The following ENTREP2 variants were observed in gnomAD, a reference collection of about 807,000 sequenced individuals.
ENTREP2 encodes protein ENTREP2.
At chr15:29,118,705 G>A in the ENTREP2 span, among the ~76,000 whole-genome samples, 1 of 152,180 alleles carries the variant, frequency 6.6e-6, no homozygotes, top group Non-Finnish European at 1.5e-5. Context: ...GCATGCGTGT[G>A]CGTGTGTAAA....
At chr15:29,631,862 C>T in the ENTREP2 span, among the ~76,000 whole-genome samples, 1 of 152,200 alleles carries the variant, frequency 6.6e-6, no homozygotes, top group East Asian at 1.9e-4. Flanking sequence ...TGGGAGTCCA[C>T]ACCCCCTCCC....
the ENTREP2 span, among the ~76,000 whole-genome samples, chr15:29,386,864 G>C: frequency 2.0e-5 from 3 of 152,252 alleles, no homozygotes; most frequent in African/African-American, 4.8e-5. Context: ...CTGAGACTTT[G>C]CTGAAGTTGC....
the ENTREP2 span, among the ~76,000 whole-genome samples, chr15:29,201,095 ATGTT>A: frequency 6.6e-6 from 1 of 152,182 alleles, no homozygotes; most frequent in African/African-American, 2.4e-5. Flanking sequence ...TGAATTTTGT[ATGTT>A]TATCTTGTAT....
the ENTREP2 span, among the ~76,000 whole-genome samples, chr15:29,625,481 C>T: frequency 1.7e-4 from 26 of 152,198 alleles, no homozygotes; most frequent in African/African-American, 5.8e-4. Flanking sequence ...CTGCAACCTC[C>T]GCCTCCCAGG....
At chr15:29,185,921 C>T in the ENTREP2 span, among the ~76,000 whole-genome samples, 1 of 152,176 alleles carries the variant, frequency 6.6e-6, no homozygotes, top group Non-Finnish European at 1.5e-5. Context: ...TTCTGATACT[C>T]ATTTAGAGCC....
the ENTREP2 span, among the ~76,000 whole-genome samples, chr15:29,281,305 TA>T: frequency 6.6e-6 from 1 of 152,214 alleles, no homozygotes; most frequent in Admixed American, 6.5e-5. Context: ...TCTAAATGTA[TA>T]AATAAATGAT....
At chr15:29,160,102 CA>C in the ENTREP2 span, among the ~76,000 whole-genome samples, 1 of 152,208 alleles carries the variant, frequency 6.6e-6, no homozygotes, top group Admixed American at 6.5e-5. Flanking sequence ...AGAAATTGAG[CA>C]CAGCAGCTGC....
At chr15:29,501,791 C>T in the ENTREP2 span, among the ~76,000 whole-genome samples, 1 of 151,900 alleles carries the variant, frequency 6.6e-6, no homozygotes. Flanking sequence ...AAATAATAAA[C>T]ACACATACAT....
At chr15:29,488,009 A>G in the ENTREP2 span, among the ~76,000 whole-genome samples, 2 of 152,196 alleles carry the variant, frequency 1.3e-5, no homozygotes, top group African/African-American at 4.8e-5. Flanking sequence ...GTTTTCAACA[A>G]TAACTTATGA....
At chr15:29,477,353 C>T in the ENTREP2 span, among the ~76,000 whole-genome samples, 6 of 152,018 alleles carry the variant, frequency 3.9e-5, no homozygotes, top group Non-Finnish European at 7.4e-5. Flanking sequence ...AAAAAACATA[C>T]TGAGCTATAC....
chr15:29,374,879 A>AT, the ENTREP2 span: 1 of 151,988 alleles, frequency 6.6e-6, no homozygotes, highest in South Asian at 2.1e-4. Flanking sequence ...CATCCAGTGA[A>AT]TTTTTTTCTC....
chr15:29,431,933 G>A, the ENTREP2 span, among the ~76,000 whole-genome samples: 23 of 152,202 alleles, frequency 1.5e-4, no homozygotes, highest in African/African-American at 5.3e-4. Flanking sequence ...TAATGGAAAC[G>A]CCGTGGCATT....
At chr15:29,338,022 C>T in the ENTREP2 span, among the ~76,000 whole-genome samples, 3 of 152,002 alleles carry the variant, frequency 2.0e-5, no homozygotes, top group Non-Finnish European at 4.4e-5. Context: ...GATTCCTTTG[C>T]AAAAAGGAAT....
At chr15:29,292,492 T>C in the ENTREP2 span, among the ~76,000 whole-genome samples, 1 of 152,076 alleles carries the variant, frequency 6.6e-6, no homozygotes. Flanking sequence ...GCAATTCTCC[T>C]GCCTCAGCCT....
the ENTREP2 span, among the ~76,000 whole-genome samples, chr15:29,356,450 C>T: frequency 6.6e-6 from 1 of 150,390 alleles, no homozygotes; most frequent in Admixed American, 6.6e-5. Flanking sequence ...GGACCACAGG[C>T]GACCACTACC....
the ENTREP2 span, among the ~76,000 whole-genome samples, chr15:29,291,649 C>A: frequency 6.6e-6 from 1 of 152,188 alleles, no homozygotes; most frequent in Non-Finnish European, 1.5e-5. Context: ...ATACACTTCT[C>A]GTGCTTCCAA....
At chr15:29,197,886 G>T in the ENTREP2 span, among the ~76,000 whole-genome samples, 2 of 152,096 alleles carry the variant, frequency 1.3e-5, no homozygotes, top group Non-Finnish European at 2.9e-5. Flanking sequence ...TATGTTTACA[G>T]CAGCCAACTC....
At chr15:29,380,914 C>T in the ENTREP2 span, among the ~76,000 whole-genome samples, 17 of 147,814 alleles carry the variant, frequency 1.2e-4, 1 homozygote, top group African/African-American at 4.0e-4. Flanking sequence ...TGGTGTGGCG[C>T]GATCTCGGCT....
chr15:29,220,779 C>A, the ENTREP2 span, among the ~76,000 whole-genome samples: 1 of 151,246 alleles, frequency 6.6e-6, no homozygotes, highest in Non-Finnish European at 1.5e-5. Context: ...ATAAATTATA[C>A]AATTAAGTCT....
Sources: allele counts gnomAD v4.1 joint callset (sites outside exome capture counted in the v4.1 genomes callset), GRCh38; gene constraint gnomAD v4.1.1; transcripts MANE v1.5; gene names NCBI Gene and HGNC (gene_info 2026-07-23, HGNC 2026-07-21).